Variants in RBM15B observed in about 807,000 individuals in gnomAD.
RBM15B encodes putative RNA-binding protein 15B.
A neutral mutation model predicts 53.3 loss-of-function variants in RBM15B; 11 were observed. The ratio of observed to expected loss-of-function variants is 0.21; its 90% CI spans 0.13 to 0.34. The LOEUF (loss-of-function observed/expected upper bound fraction) is 0.34. Among genes scored for constraint, RBM15B ranks in the 10% least tolerant of loss-of-function variants. The pLI is 1.00. For missense variants in RBM15B, 1,136 were observed against 1,250.3 expected (o/e 0.91, Z 1.38); for synonymous variants, 631 against 540.7 (o/e 1.17, Z -2.32).
At position 51,393,187 on chromosome 3, in the gene RBM15B, G is replaced by A. The variant is rs2089068954; in HGVS notation, c.1788G>A (p.Arg596=). 6.2e-7 allele frequency: 1 copy of A among 1,613,986 alleles called. No individual in the cohort carries two copies. Among genetic ancestry groups the A allele is most frequent in the Non-Finnish European group, 8.5e-7 (1 of 1,179,904 alleles). ...LPKPWEERRK[R]RSLSSDRGRT... ...AGCCCTGGGAAGAGAGGCGGAAACG[G>A]AGAAGCCTTTCCAGTGACCGTGGGA... is the stretch of plus-strand genomic sequence containing the variant. The change falls in exon 1 of 1, where the codon CGG becomes CGA. Residue 596 remains arginine (R), a synonymous_variant. Coordinates refer to ENST00000563281, the MANE Select transcript of RBM15B (RefSeq NM_013286.5). The surrounding 1 kb of genome is among the most constrained non-coding windows in gnomAD (Gnocchi z 5.6).
At position 51,393,728 on chromosome 3, in the gene RBM15B, G is replaced by C; in HGVS notation, c.2329G>C (p.Asp777His). 6.2e-7 allele frequency: 1 copy of C among 1,613,744 alleles called. No homozygotes were observed. Among genetic ancestry groups the C allele is most frequent in the Non-Finnish European group, 8.5e-7 (1 of 1,179,998 alleles). ...QRLRLDQPKL[D>H]EVTRRIKQGS... ...CCTTCGACTGGACCAGCCCAAGCTT[G>C]ACGAGGTCACACGACGCATCAAGCA... The change falls in exon 1 of 1, where the codon GAC becomes CAC. Residue 777 changes from aspartate (D) to histidine (H), a missense_variant. Coordinates refer to ENST00000563281, the MANE Select transcript of RBM15B (RefSeq NM_013286.5). The surrounding 1 kb of genome is among the most constrained non-coding windows in gnomAD (Gnocchi z 5.6).
chr3:51,391,335 G>GGCC lies in RBM15B; in HGVS notation c.-58_-56dup, dbSNP rs1317933734. Reference sequence around the variant, plus strand: ...GCGGCGCCGGGGGCGCTGCCTCCTCGGCCGCCGCCTCCGCCGCCGCCGCTG... The same window carrying GGCC: ...GCGGCGCCGGGGGCGCTGCCTCCTCGGCCGCCGCCGCCTCCGCCGCCGCCGCTG... On this transcript the variant is annotated 5_prime_UTR_variant, in exon 1 of 1. Transcript: ENST00000563281. This position sits in a 1 kb window ranked among gnomAD's most constrained non-coding sequence, Gnocchi z 4.5. The GGCC allele has an allele frequency of 8.6e-7, 1 of 1,166,840 alleles. No homozygotes were observed. Among genetic ancestry groups the GGCC allele is most frequent in the Non-Finnish European group, 1.1e-6 (1 of 945,344 alleles). 72.3% of individuals were successfully genotyped at this position (1,166,840 alleles called of 1,614,324 possible). A position where few individuals can be genotyped will look rare whatever the true frequency, so the allele number is the denominator to read the frequency against.
rs1553622023 is a variant in RBM15B, at chr3:51,393,635, G to A, written c.2236G>A (p.Val746Met). 5 of 1,613,384 alleles carry A rather than the reference G, an allele frequency of 3.1e-6. No homozygotes were observed. Among genetic ancestry groups the A allele is most frequent in the Non-Finnish European group, 4.2e-6 (5 of 1,179,622 alleles). Residue 746 changes from valine to methionine, a missense_variant, in exon 1 of 1, where the codon GTG (valine) becomes ATG (methionine). Transcript: ENST00000563281. This position sits in a 1 kb window ranked among gnomAD's most constrained non-coding sequence, Gnocchi z 5.6. ...GCATATCCTAGAGGGGGACCAGGGG[G>A]TGATCAGCAGTCTCCTCAAAGACCA... ...SMHILEGDQG[V>M]ISSLLKDHTS...
In RBM15B at chr3:51,393,027, G is replaced by A. The variant is rs374543934; in HGVS notation, c.1628G>A (p.Arg543Gln). The A allele has an allele frequency of 1.4e-5, 22 of 1,613,710 alleles. No individual in the cohort carries two copies. The highest frequency in any genetic ancestry group is 2.7e-5 in the African/African-American group (2 of 74,918). The change falls in exon 1 of 1, where the codon CGG (arginine) becomes CAG (glutamine). Residue 543 changes from arginine to glutamine, a missense_variant. This residue lies in a region of RBM15B where 578 missense variants were observed against 581.6 expected (regional missense o/e 0.99). Transcript: ENST00000563281. This position sits in a 1 kb window ranked among gnomAD's most constrained non-coding sequence, Gnocchi z 5.6. ...PPHLLYSDRD[R>Q]TFLEGDWTSP... ...CACCTTCTGTACTCAGACCGAGACC[G>A]GACTTTTTTGGAAGGGGACTGGACC...
chr3:51,393,943 C>G lies in RBM15B; in HGVS notation c.2544C>G (p.Asp848Glu), dbSNP rs1320425704. 1 of 1,538,258 alleles carries G rather than the reference C, an allele frequency of 6.5e-7. No homozygotes were observed. The highest frequency in any genetic ancestry group is 8.7e-7 in the Non-Finnish European group (1 of 1,143,698). The change falls in exon 1 of 1, where the codon GAC (aspartate) becomes GAG (glutamate). Residue 848 changes from aspartate to glutamate, a missense_variant. This residue lies in a region of RBM15B where 578 missense variants were observed against 581.6 expected (regional missense o/e 0.99). Coordinates refer to ENST00000563281, the MANE Select transcript of RBM15B (RefSeq NM_013286.5). The surrounding 1 kb of genome is among the most constrained non-coding windows in gnomAD (Gnocchi z 5.6). The part of the protein sequence containing the change: ...SLPVGGSKGR[D>E]GTGMLYAFPP... ...CAGTGGGGGGGTCCAAGGGCAGAGA[C>G]GGCACAGGCATGCTCTACGCCTTCC...
At position 51,392,089 on chromosome 3, in the gene RBM15B, C is replaced by A; in HGVS notation, c.690C>A (p.Ser230Arg). The A allele has an allele frequency of 1.3e-6, 2 of 1,545,612 alleles. No individual in the cohort carries two copies. Among genetic ancestry groups the A allele is most frequent in the Non-Finnish European group, 1.7e-6 (2 of 1,153,894 alleles). The change falls in exon 1 of 1, where the codon AGC (serine) becomes AGA (arginine). Residue 230 changes from serine to arginine, a missense_variant. Ser to Arg is a moderately radical substitution (Grantham distance 110, BLOSUM62 -1). Coordinates refer to ENST00000563281, the MANE Select transcript of RBM15B (RefSeq NM_013286.5). This position sits in a 1 kb window ranked among gnomAD's most constrained non-coding sequence, Gnocchi z 7.5. ...RGGGGSSRRS[S>R]SSSAAASTPP... Reference sequence around the variant, plus strand: ...GCGGCGGGAGCAGTCGGCGAAGTAGCAGCAGCAGCGCCGCCGCTTCCACGC... The same window carrying A: ...GCGGCGGGAGCAGTCGGCGAAGTAGAAGCAGCAGCGCCGCCGCTTCCACGC...
chr3:51,396,253 C>A lies in RBM15B; in HGVS notation c.*2181C>A, dbSNP rs1473015706. 4.0e-6 allele frequency: 1 copy of A among 248,654 alleles called. No individual in the cohort carries two copies. The highest frequency in any genetic ancestry group is 5.7e-5 in the Admixed American group (1 of 17,574). 15.4% of individuals were successfully genotyped at this position (248,654 alleles called of 1,614,324 possible). ...GAAAACGTGCCTAGAGAAGACACTT[C>A]AACCTTTGCCTTATCCAACCCCTCT... On this transcript the variant is annotated 3_prime_UTR_variant, in exon 1 of 1. Coordinates refer to ENST00000563281, the MANE Select transcript of RBM15B (RefSeq NM_013286.5).
At position 51,396,628 on chromosome 3, in the gene RBM15B, A is replaced by T. The variant is rs545365161; in HGVS notation, c.*2556A>T. 6.0e-6 allele frequency: 1 copy of T among 167,296 alleles called. No homozygotes were observed. The highest frequency in any genetic ancestry group is 6.5e-5 in the Admixed American group (1 of 15,302). The allele number at this position is 167,296 out of a possible 1,614,324, so 10.4% of individuals were successfully genotyped here. Reference sequence around the variant, plus strand: ...GCCACTGTTCTCATGCTGCCTCCTAAGTGACTCCGATTTTCAGCCCTGGTA... The same window carrying T: ...GCCACTGTTCTCATGCTGCCTCCTATGTGACTCCGATTTTCAGCCCTGGTA... On this transcript the variant is annotated 3_prime_UTR_variant, in exon 1 of 1. Coordinates refer to ENST00000563281, the MANE Select transcript of RBM15B (RefSeq NM_013286.5).
In RBM15B at chr3:51,395,613, C is replaced by CTAGA. The variant is rs1411104278; in HGVS notation, c.*1543_*1546dup. 4.9e-6 allele frequency: 2 copies of CTAGA among 407,748 alleles called. No individual in the cohort carries two copies. The highest frequency in any genetic ancestry group is 4.1e-5 in the African/African-American group (2 of 48,516). 25.3% of individuals were successfully genotyped at this position (407,748 alleles called of 1,614,324 possible). On this transcript the variant is annotated 3_prime_UTR_variant, in exon 1 of 1. Transcript: ENST00000563281. The stretch of plus-strand genomic sequence containing the variant: ...GAAGCTCTGGTAAGCGAATGAGCCC[C>CTAGA]TAGATGATAACCAGGAACTCCAGGT...
chr3:51,394,659 G>C lies in RBM15B; in HGVS notation c.*587G>C, dbSNP rs1325434491. On this transcript the variant is annotated 3_prime_UTR_variant, in exon 1 of 1. Coordinates refer to ENST00000563281, the MANE Select transcript of RBM15B (RefSeq NM_013286.5). Reference sequence around the variant, plus strand: ...ATGCAAAGGAAGGGATGGGGTGAGCGCAAGGCCTGTGGTCAGCAGCTACTG... The same window carrying C: ...ATGCAAAGGAAGGGATGGGGTGAGCCCAAGGCCTGTGGTCAGCAGCTACTG... The C allele has an allele frequency of 6.0e-6, 1 of 167,152 alleles. No homozygotes were observed. Among genetic ancestry groups the C allele is most frequent in the African/African-American group, 2.4e-5 (1 of 41,460 alleles). The allele number at this position is 167,152 out of a possible 1,614,324, so 10.4% of individuals were successfully genotyped here.
rs1292523464 is a variant in RBM15B at position 51,393,008 on chromosome 3, C to T, written c.1609C>T (p.Leu537=). The T allele has an allele frequency of 5.0e-6, 8 of 1,613,732 alleles. No individual in the cohort carries two copies. In the African/African-American group the frequency reaches 9.3e-5, roughly 19 times the overall value. ...GCGGGACAGGACGCCCCCACACCTT[C>T]TGTACTCAGACCGAGACCGGACTTT... ...LVRDRTPPHL[L]YSDRDRTFLE... is the part of the protein sequence containing the mutation. Residue 537 remains leucine (L), a synonymous_variant, in exon 1 of 1, where the codon CTG becomes TTG. Coordinates refer to ENST00000563281, the MANE Select transcript of RBM15B (RefSeq NM_013286.5). The surrounding 1 kb of genome is among the most constrained non-coding windows in gnomAD (Gnocchi z 5.6).
In RBM15B at chr3:51,392,842, A is replaced by G. The variant is rs879959406; in HGVS notation, c.1443A>G (p.Pro481=). The G allele has an allele frequency of 6.2e-7, 1 of 1,613,974 alleles. No individual in the cohort carries two copies. The highest frequency in any genetic ancestry group is 1.3e-5 in the African/African-American group (1 of 74,958). Residue 481 remains proline (P), a synonymous_variant, in exon 1 of 1, where the codon CCA becomes CCG. Transcript: ENST00000563281. This position sits in a 1 kb window ranked among gnomAD's most constrained non-coding sequence, Gnocchi z 7.5. ...TGAGGGGTTTTCCCTTGGGTGGACC[A>G]GACCGCAGGCTCCGCGTGGATTTTG... The part of the protein sequence containing the change: ...AKMRGFPLGG[P]DRRLRVDFAK...
rs1026654378 is a variant in RBM15B, at chr3:51,396,526, G to A, written c.*2454G>A. ...AACTTACTTACTTCAGGCATCCAGT[G>A]CCCCCACCCAGGGTTCAGGCCCTGT... On this transcript the variant is annotated 3_prime_UTR_variant, in exon 1 of 1. Coordinates refer to ENST00000563281, the MANE Select transcript of RBM15B (RefSeq NM_013286.5). 1 of 167,110 alleles carries A rather than the reference G, an allele frequency of 6.0e-6. No individual in the cohort carries two copies. Among genetic ancestry groups the A allele is most frequent in the Non-Finnish European group, 1.5e-5 (1 of 68,170 alleles). 10.4% of individuals were successfully genotyped at this position (167,110 alleles called of 1,614,324 possible). A position where few individuals can be genotyped will look rare whatever the true frequency, so the allele number is the denominator to read the frequency against.
In RBM15B at chr3:51,391,294, C is replaced by A; in HGVS notation, c.-106C>A. 2.1e-6 allele frequency: 2 copies of A among 963,584 alleles called. No homozygotes were observed. The highest frequency in any genetic ancestry group is 5.1e-5 in the South Asian group (1 of 19,710). 59.7% of individuals were successfully genotyped at this position (963,584 alleles called of 1,614,324 possible). On this transcript the variant is annotated 5_prime_UTR_variant, in exon 1 of 1. Transcript: ENST00000563281. This position sits in a 1 kb window ranked among gnomAD's most constrained non-coding sequence, Gnocchi z 4.5. The stretch of plus-strand genomic sequence containing the variant: ...CCCCGCCGCCACCGCCGCGCCGAGT[C>A]CTTTTGTCCAAGATGGCGGCGCCGG...
Position 51,394,055 on chromosome 3 carries a change from G to A in RBM15B, c.2656G>A (p.Val886Ile), listed in dbSNP as rs981557989. The A allele has an allele frequency of 2.2e-5, 32 of 1,458,516 alleles. No homozygotes were observed. In the Admixed American group the frequency reaches 5.5e-4, roughly 25 times the overall value. The allele number at this position is 1,458,516 out of a possible 1,614,324, so 90.3% of individuals were successfully genotyped here. Residue 886 changes from valine (V) to isoleucine (I), a missense_variant, in exon 1 of 1, where the codon GTC becomes ATC. Physicochemically the swap from Val to Ile is conservative, Grantham distance 29. This residue lies in a region of RBM15B where 578 missense variants were observed against 581.6 expected (regional missense o/e 0.99). Transcript: ENST00000563281. ...AGAAGAACACATGGTGATAGTCATC[G>A]TCAGAGACACTGCCTAGCCCAAGCC... ...LEEEHMVIVIVRDTA is the reference protein window; with the variant it reads ...LEEEHMVIVIIRDTA
In RBM15B at chr3:51,392,105, G is replaced by C; in HGVS notation, c.706G>C (p.Ala236Pro). The C allele has an allele frequency of 6.5e-7, 1 of 1,543,442 alleles. No homozygotes were observed. The highest frequency in any genetic ancestry group is 1.2e-5 in the South Asian group (1 of 86,102). Residue 236 changes from alanine to proline, a missense_variant, in exon 1 of 1, where the codon GCT becomes CCT. Ala to Pro is a conservative substitution (Grantham distance 27, BLOSUM62 -1). Coordinates refer to ENST00000563281, the MANE Select transcript of RBM15B (RefSeq NM_013286.5). The surrounding 1 kb of genome is among the most constrained non-coding windows in gnomAD (Gnocchi z 7.5). Reference protein sequence around the residue: ...SRRSSSSSAAASTPPPGPPAP... With the variant: ...SRRSSSSSAAPSTPPPGPPAP... The stretch of plus-strand genomic sequence containing the variant: ...GCGAAGTAGCAGCAGCAGCGCCGCC[G>C]CTTCCACGCCTCCCCCAGGGCCGCC...
chr3:51,393,591 G>C lies in RBM15B; in HGVS notation c.2192G>C (p.Ser731Thr). 1 of 1,614,146 alleles carries C rather than the reference G, an allele frequency of 6.2e-7. No individual in the cohort carries two copies. The highest frequency in any genetic ancestry group is 8.5e-7 in the Non-Finnish European group (1 of 1,180,054). ...AATGGGCTTCTGGTGTTGAAAAACA[G>C]CTGCTTCCCCACGTCTATGCATATC... ...GWNGLLVLKN[S>T]CFPTSMHILE... The change falls in exon 1 of 1, where the codon AGC becomes ACC. Residue 731 changes from serine (S) to threonine (T), a missense_variant. Physicochemically the swap from Ser to Thr is moderately conservative, Grantham distance 58. Coordinates refer to ENST00000563281, the MANE Select transcript of RBM15B (RefSeq NM_013286.5). The surrounding 1 kb of genome is among the most constrained non-coding windows in gnomAD (Gnocchi z 5.6).
At position 51,391,335 on chromosome 3, in the gene RBM15B, GGCCGCCGCCTCC is replaced by G; in HGVS notation, c.-55_-44del. 1.7e-6 allele frequency: 2 copies of G among 1,166,840 alleles called. No homozygotes were observed. Among genetic ancestry groups the G allele is most frequent in the Non-Finnish European group, 2.1e-6 (2 of 945,344 alleles). The allele number at this position is 1,166,840 out of a possible 1,614,324, so 72.3% of individuals were successfully genotyped here. A position where few individuals can be genotyped will look rare whatever the true frequency, so the allele number is the denominator to read the frequency against. On this transcript the variant is annotated 5_prime_UTR_variant, in exon 1 of 1. Transcript: ENST00000563281. This position sits in a 1 kb window ranked among gnomAD's most constrained non-coding sequence, Gnocchi z 4.5. ...GCGGCGCCGGGGGCGCTGCCTCCTC[GGCCGCCGCCTCC>G]GCCGCCGCCGCTGTGAGAAACCTAC...
Position 51,393,412 on chromosome 3 carries a change from G to T in RBM15B, c.2013G>T (p.Glu671Asp). 6.2e-7 allele frequency: 1 copy of T among 1,613,730 alleles called. No individual in the cohort carries two copies. The highest frequency in any genetic ancestry group is 8.5e-7 in the Non-Finnish European group (1 of 1,179,940). ...EERGHHHHHH[E>D]AADSSHGKKA... is the part of the protein sequence containing the mutation. The stretch of plus-strand genomic sequence containing the variant: ...GGGGCCACCACCACCACCACCACGA[G>T]GCTGCAGACTCTTCCCACGGGAAGA... The change falls in exon 1 of 1, where the codon GAG becomes GAT. Residue 671 changes from glutamate (E) to aspartate (D), a missense_variant. Physicochemically the swap from Glu to Asp is conservative, Grantham distance 45. Around this residue, in one of 7 missense-constraint regions of RBM15B, gnomAD observed 578 missense variants for 581.6 expected, o/e 0.99. Transcript: ENST00000563281. This position sits in a 1 kb window ranked among gnomAD's most constrained non-coding sequence, Gnocchi z 5.6.
Sources: gnomAD v4.1 joint callset for allele counts on GRCh38, gnomAD v4.1.1 for gene constraint, gnomAD v4.1.1 regional missense constraint, Gnocchi (gnomAD v3.1) non-coding constraint, MANE v1.5 for transcripts, NCBI Gene and HGNC (gene_info 2026-07-23, HGNC 2026-07-21) for gene names.